SGCZ: variants seen among roughly 807,000 people sequenced by gnomAD.
SGCZ encodes the protein sarcoglycan zeta, also known as zeta-sarcoglycan.
A neutral mutation model predicts 41.3 loss-of-function variants in SGCZ; 40 were observed. The ratio of observed to expected loss-of-function variants is 0.97; its 90% CI spans 0.75 to 1.26. The LOEUF is 1.26. Ranked by LOEUF, SGCZ falls within the 50% of genes most tolerant of loss-of-function variation. The pLI, the probability that SGCZ is intolerant of heterozygous loss-of-function variation, is 0.00. For synonymous variants in SGCZ, 206 were observed against 137.5 expected, an observed-to-expected ratio of 1.50 and a Z score of -3.49; for missense variants, 552 against 369.8, an observed-to-expected ratio of 1.49 and a Z score of -4.04.
At chr8:14,093,721 G>GTA (rs1210806486) in intron 7 of SGCZ, among the ~76,000 whole-genome samples, 1 of 151,984 alleles carries the variant, frequency 6.6e-6, no homozygotes, top group African/African-American at 2.4e-5. Flanking sequence ...TATATCATAA[G>GTA]TATATATATT....
intron 1 of SGCZ, among the ~76,000 whole-genome samples, chr8:14,635,985 T>C (rs1216660486): frequency 6.6e-6 from 1 of 151,844 alleles, no homozygotes; most frequent in Non-Finnish European, 1.5e-5. Context: ...CCCAAGAAGG[T>C]TTGGTTAATC....
chr8:14,901,381 T>C (rs926735162), intron 1 of SGCZ, among the ~76,000 whole-genome samples: 45 of 152,182 alleles, frequency 3.0e-4, no homozygotes, highest in African/African-American at 9.7e-4. Flanking sequence ...ACAAGGTCAT[T>C]GGTCAGTTTG....
intron 1 of SGCZ, among the ~76,000 whole-genome samples, chr8:14,654,274 A>C (rs1807491345): frequency 6.6e-6 from 1 of 151,676 alleles, no homozygotes; most frequent in African/African-American, 2.4e-5. Context: ...AATGTTTAGG[A>C]GCCAGCCCAC....
At chr8:14,451,637 C>T (rs1309412221) in intron 2 of SGCZ, among the ~76,000 whole-genome samples, 1 of 152,132 alleles carries the variant, frequency 6.6e-6, no homozygotes, top group Non-Finnish European at 1.5e-5. Context: ...ACTCTTAAAA[C>T]TCTATGCTAA....
chr8:14,101,310 G>GTGAAAATGCAAAGTTATGTCTTCAGA (rs1182769451), intron 7 of SGCZ, among the ~76,000 whole-genome samples: 13 of 98,756 alleles, frequency 1.3e-4, no homozygotes, highest in African/African-American at 3.5e-4. Context: ...TGTGGAAGGT[G>GTGAAAATGCAAAGTTATGTCTTCAGA]TGAAAATGCA....
intron 2 of SGCZ, among the ~76,000 whole-genome samples, chr8:14,496,260 A>T (rs547943918): frequency 6.6e-6 from 1 of 152,060 alleles, no homozygotes; most frequent in South Asian, 2.1e-4. Flanking sequence ...GGAGAGACAA[A>T]AATCCACTAC....
chr8:14,214,029 G>A (rs1003268854), intron 4 of SGCZ, among the ~76,000 whole-genome samples: 1 of 152,064 alleles, frequency 6.6e-6, no homozygotes, highest in African/African-American at 2.4e-5. Flanking sequence ...TTTAAAGAGA[G>A]CCAAAAAGAG....
chr8:14,671,396 T>A (rs951831873), intron 1 of SGCZ, among the ~76,000 whole-genome samples: 2 of 152,216 alleles, frequency 1.3e-5, no homozygotes, highest in Non-Finnish European at 2.9e-5. Context: ...CACTTGATTT[T>A]AATTTTTATC....
chr8:14,938,929 G>C (rs1800175115), intron 1 of SGCZ, among the ~76,000 whole-genome samples: 1 of 151,984 alleles, frequency 6.6e-6, no homozygotes, highest in South Asian at 2.1e-4. Context: ...TGGATTCAAA[G>C]GGCTAAGGGT....
chr8:14,451,956 G>A (rs561580352), intron 2 of SGCZ, among the ~76,000 whole-genome samples: 9 of 152,220 alleles, frequency 5.9e-5, no homozygotes, highest in African/African-American at 1.9e-4. Context: ...GTCAGTTTAC[G>A]ATCCAGCAAT....
intron 2 of SGCZ, among the ~76,000 whole-genome samples, chr8:14,406,673 G>C (rs531930817): frequency 9.9e-5 from 15 of 151,736 alleles, no homozygotes; most frequent in Admixed American, 2.0e-4. Flanking sequence ...TGCCATGTCA[G>C]TTTACCATTG....
At chr8:15,222,344 C>G (rs1801631071) in intron 1 of SGCZ, among the ~76,000 whole-genome samples, 1 of 151,888 alleles carries the variant, frequency 6.6e-6, no homozygotes, top group African/African-American at 2.4e-5. Context: ...TAGCCCAACT[C>G]AAGAAGTTAA....
chr8:14,195,431 C>T (rs987638007), intron 4 of SGCZ, among the ~76,000 whole-genome samples: 2 of 151,946 alleles, frequency 1.3e-5, no homozygotes, highest in Admixed American at 1.3e-4. Flanking sequence ...GCTGAGTTCA[C>T]GTACTTAGAA....
At chr8:15,163,012 T>G (rs1449596013) in intron 1 of SGCZ, among the ~76,000 whole-genome samples, 1 of 152,220 alleles carries the variant, frequency 6.6e-6, no homozygotes, top group African/African-American at 2.4e-5. Context: ...AACATTATTT[T>G]GAAATCATTT....
rs1808317409 is a variant in SGCZ, at chr8:15,141,466, A to G, written c.39+96119T>C. Among the ~76,000 whole-genome samples the G allele has an allele frequency of 2.0e-5, 3 of 152,260 alleles. No homozygotes were observed. The South Asian group carries it at 6.2e-4, about 31-fold the overall frequency. ...TAAAAAGATGTCCACATCAGTGGCT[A>G]AAATTTCCTAAACTCAGAACAGGGA... is the stretch of plus-strand genomic sequence containing the variant. On this transcript the variant is annotated intron_variant, in intron 1 of 7. Transcript: ENST00000382080.
chr8:14,227,099 GGT>G (rs1806399224), intron 4 of SGCZ, among the ~76,000 whole-genome samples: 1 of 152,020 alleles, frequency 6.6e-6, no homozygotes, highest in Non-Finnish European at 1.5e-5. Context: ...AGAATAAGGA[GGT>G]GGAATCATAA....
intron 1 of SGCZ, among the ~76,000 whole-genome samples, chr8:14,833,762 G>A (rs77164721): frequency 0.036 from 5,546 of 151,962 alleles, 363 homozygotes; most frequent in African/African-American, 0.13. Context: ...CTTCAAAGAA[G>A]AAAGAGGAGT....
At chr8:14,926,560 T>G (rs1177989537) in intron 1 of SGCZ, among the ~76,000 whole-genome samples, 1 of 152,194 alleles carries the variant, frequency 6.6e-6, no homozygotes, top group Admixed American at 6.5e-5. Context: ...TTCTTGGGGT[T>G]ATATATTTCT....
At chr8:14,980,488 T>C (rs1305652472) in intron 1 of SGCZ, among the ~76,000 whole-genome samples, 1 of 152,210 alleles carries the variant, frequency 6.6e-6, no homozygotes, top group African/African-American at 2.4e-5. Context: ...GATGAAGACA[T>C]AACCGAGACT....
Sources: gnomAD v4.1 joint callset for allele counts (sites outside exome capture counted in the v4.1 genomes callset) on GRCh38, gnomAD v4.1.1 for gene constraint, MANE v1.5 for transcripts, NCBI Gene and HGNC (gene_info 2026-07-23, HGNC 2026-07-21) for gene names.